RBL1: variants seen among roughly 807,000 people sequenced by gnomAD.
The protein encoded by RBL1 is RB transcriptional corepressor like 1.
Under a neutral mutation model 123.0 loss-of-function variants are expected in RBL1, and 82 were observed. The ratio of observed to expected loss-of-function variants is 0.67; its 90% CI spans 0.56 to 0.80. The LOEUF is 0.80. Among genes scored for constraint, RBL1 ranks in the 30% least tolerant of loss-of-function variants. The probability of loss-of-function intolerance (pLI) is 0.00; values close to 1 mark genes in which losing one functional copy is unlikely to be tolerated. For missense variants in RBL1, 1,171 were observed against 1,299.6 expected (o/e 0.90, Z 1.52); for synonymous variants, 405 against 441.3 (o/e 0.92, Z 1.03).
intron 21 of RBL1, among the ~76,000 whole-genome samples, chr20:37,000,669 G>GTCC: frequency 7.4e-6 from 1 of 135,024 alleles, no homozygotes; most frequent in African/African-American, 2.8e-5. Flanking sequence ...CGCCCCTACT[G>GTCC]GGAAGAGAGG....
At chr20:37,092,899 A>G (rs1272218283) in intron 1 of RBL1, among the ~76,000 whole-genome samples, 7 of 152,180 alleles carry the variant, frequency 4.6e-5, no homozygotes, top group Admixed American at 2.0e-4. Context: ...GAATTCTATG[A>G]TATCAGAAAC....
chr20:37,049,802 C>G (rs1244642116), intron 11 of RBL1: 1 of 469,062 alleles, frequency 2.1e-6, no homozygotes, highest in African/African-American at 2.0e-5. Flanking sequence ...GTGGCTCACA[C>G]CTGTAATCCC....
At chr20:37,051,179 CTTTTTTTCTTT>C (rs760641137) in intron 11 of RBL1, among the ~76,000 whole-genome samples, 21 of 108,948 alleles carry the variant, frequency 1.9e-4, no homozygotes, top group Non-Finnish European at 2.5e-4. Context: ...TCCCACAGAT[CTTTTTTTCTTT>C]TTTTTTTCTG....
chr20:37,025,557 T>G (rs1409811257), intron 16 of RBL1, among the ~76,000 whole-genome samples: 1 of 151,810 alleles, frequency 6.6e-6, no homozygotes, highest in Non-Finnish European at 1.5e-5. Flanking sequence ...AGTGGCTATA[T>G]GACTAAGTGG....
chr20:37,067,719 G>A lies in RBL1; in HGVS notation c.491+267C>T, dbSNP rs556490540. ...TGGGAGACAGAGGTTGCAGTGAGCC[G>A]AGATCAGGACACTGCACTCCAGCCT... On this transcript the variant is annotated intron_variant, in intron 3 of 21. Transcript: ENST00000373664. Among the ~76,000 whole-genome samples, 5 of 129,168 alleles carry A rather than the reference G, an allele frequency of 3.9e-5. No individual in the cohort carries two copies. In the East Asian group the frequency reaches 1.3e-3, roughly 34 times the overall value. 84.7% of individuals were successfully genotyped at this position (129,168 alleles called of 152,430 possible).
intron 1 of RBL1, among the ~76,000 whole-genome samples, chr20:37,093,465 A>G (rs2065679615): frequency 6.6e-6 from 1 of 152,004 alleles, no homozygotes; most frequent in Non-Finnish European, 1.5e-5. Context: ...ATAGTCAGAT[A>G]CTATCTCCAC....
chr20:37,042,072 C>CAAAAAA (rs71186100), intron 13 of RBL1, among the ~76,000 whole-genome samples: 2 of 86,962 alleles, frequency 2.3e-5, no homozygotes, highest in African/African-American at 1.1e-4. Context: ...GACTTTGTCT[C>CAAAAAA]AAAAAAAAAA....
intron 20 of RBL1, among the ~76,000 whole-genome samples, chr20:37,006,475 G>T (rs999324018): frequency 6.6e-6 from 1 of 151,506 alleles, no homozygotes; most frequent in Non-Finnish European, 1.5e-5. Flanking sequence ...TTACAGGCAT[G>T]AGCCACCACA....
intron 7 of RBL1, among the ~76,000 whole-genome samples, chr20:37,063,543 G>A (rs997077492): frequency 9.2e-5 from 14 of 151,824 alleles, no homozygotes; most frequent in African/African-American, 2.4e-4. Context: ...ATGGAATCTC[G>A]CTCTGTTGCC....
chr20:37,017,915 G>A (rs1309216400), intron 19 of RBL1, among the ~76,000 whole-genome samples: 1 of 152,134 alleles, frequency 6.6e-6, no homozygotes, highest in Non-Finnish European at 1.5e-5. Context: ...AATTACAGGT[G>A]TGAGCCACCA....
intron 16 of RBL1, among the ~76,000 whole-genome samples, chr20:37,027,259 T>A (rs1282045024): frequency 1.3e-5 from 2 of 151,954 alleles, no homozygotes; most frequent in East Asian, 3.9e-4. Context: ...GAGGATCTCT[T>A]GAGCTTGGGA....
At chr20:37,036,591 A>C (rs988845500) in intron 14 of RBL1, among the ~76,000 whole-genome samples, 23 of 147,984 alleles carry the variant, frequency 1.6e-4, no homozygotes, top group African/African-American at 5.7e-4. Flanking sequence ...TACATTCACT[A>C]GATAATTAGA....
At chr20:37,012,521 G>A (rs1301430379) in intron 19 of RBL1, among the ~76,000 whole-genome samples, 3 of 144,078 alleles carry the variant, frequency 2.1e-5, no homozygotes, top group African/African-American at 5.2e-5. Context: ...CCGCCGCCCC[G>A]TCTGGGATGT....
rs376975501 is a variant in RBL1, at chr20:37,067,963, T to C, written c.491+23A>G. 351 of 1,601,816 alleles carry C rather than the reference T, an allele frequency of 2.2e-4. 1 individual carries two copies. Among genetic ancestry groups the C allele is most frequent in the Non-Finnish European group, 2.5e-5 (29 of 1,176,054 alleles). On this transcript the variant is annotated intron_variant, in intron 3 of 21. Coordinates refer to ENST00000373664, the MANE Select transcript of RBL1 (RefSeq NM_002895.5). ...GTTTGTATCATAATCTTTATGTCAATTATATAAGGATTAAGGGCTCACCTC... is the reference window on the plus strand; with the variant it reads ...GTTTGTATCATAATCTTTATGTCAACTATATAAGGATTAAGGGCTCACCTC...
In RBL1 at chr20:37,066,875, G is replaced by A; in HGVS notation, c.695C>T (p.Ser232Phe). 6.2e-7 allele frequency: 1 copy of A among 1,613,420 alleles called. No homozygotes were observed. The highest frequency in any genetic ancestry group is 8.5e-7 in the Non-Finnish European group (1 of 1,179,746). Residue 232 changes from serine (S) to phenylalanine (F), a missense_variant, in exon 6 of 22, where the codon TCT becomes TTT. By Grantham distance (155) the Ser-to-Phe change is radical. Transcript: ENST00000373664. ...CGTAAAGTCAGCAGTATGAAAATCAGATGGTAAACCTAGTTTGACAGTGTA... is the reference window on the plus strand; with the variant it reads ...CGTAAAGTCAGCAGTATGAAAATCAAATGGTAAACCTAGTTTGACAGTGTA... ...LLNPSFKGLP[S>F]DFHTADFTAS...
At chr20:37,056,856 G>A (rs1349108237) in intron 9 of RBL1, among the ~76,000 whole-genome samples, 1 of 152,118 alleles carries the variant, frequency 6.6e-6, no homozygotes, top group Non-Finnish European at 1.5e-5. Flanking sequence ...GTGGAATCAT[G>A]CAGTATTTTG....
intron 20 of RBL1, among the ~76,000 whole-genome samples, chr20:37,006,155 T>G (rs1054694254): frequency 2.6e-5 from 4 of 151,434 alleles, no homozygotes; most frequent in African/African-American, 9.7e-5. Context: ...CAGGCTTAGC[T>G]TCCCAAAGTG....
intron 19 of RBL1, among the ~76,000 whole-genome samples, chr20:37,012,953 G>A (rs1600459685): frequency 6.6e-6 from 1 of 151,704 alleles, no homozygotes; most frequent in African/African-American, 2.4e-5. Flanking sequence ...CGCCCCGTCC[G>A]GGAGGGAGGT....
chr20:37,088,914 T>G, intron 2 of RBL1, 75 bp downstream of exon 2: 2 of 1,017,484 alleles, frequency 2.0e-6, no homozygotes, highest in Non-Finnish European at 1.3e-6. Context: ...TGAAGTCAAA[T>G]GATCTCAAAA....
Sources: gnomAD v4.1 joint callset for allele counts (sites outside exome capture counted in the v4.1 genomes callset) on GRCh38, gnomAD v4.1.1 for gene constraint, MANE v1.5 for transcripts, NCBI Gene and HGNC (gene_info 2026-07-23, HGNC 2026-07-21) for gene names.